The following MMP16 variants were observed in gnomAD, a reference collection of about 807,000 sequenced individuals.
MMP16 encodes matrix metalloproteinase-16.
In MMP16, 12 loss-of-function variants were observed where a neutral mutation model predicts 67.8. The ratio of observed to expected loss-of-function variants is 0.18; its 90% confidence interval spans 0.11 to 0.29. The LOEUF (loss-of-function observed/expected upper bound fraction) is 0.29, where lower values mean the gene tolerates loss of function less well. Among genes scored for constraint, MMP16 ranks in the 10% least tolerant of loss-of-function variants. The probability of loss-of-function intolerance (pLI) is 1.00; values close to 1 mark genes in which losing one functional copy is unlikely to be tolerated. For synonymous variants in MMP16, 249 were observed against 255.9 expected (o/e 0.97, Z 0.26); for missense variants, 475 against 765.7 (o/e 0.62, Z 4.48).
chr8:88,220,687 A>G (rs1809668242), intron 1 of MMP16, among the ~76,000 whole-genome samples: 1 of 152,132 alleles, frequency 6.6e-6, no homozygotes, highest in Non-Finnish European at 1.5e-5. Context: ...GGATGAAAGA[A>G]AAGTGTTATC....
At chr8:88,253,592 T>C (rs941302973) in intron 1 of MMP16, among the ~76,000 whole-genome samples, 6 of 152,120 alleles carry the variant, frequency 3.9e-5, no homozygotes, top group Non-Finnish European at 8.8e-5. Context: ...ATCTGACTGA[T>C]GTGTTTCAAA....
chr8:88,295,235 A>G (rs940067591), intron 1 of MMP16, among the ~76,000 whole-genome samples: 1 of 152,240 alleles, frequency 6.6e-6, no homozygotes, highest in African/African-American at 2.4e-5. Flanking sequence ...TCCTGAATTT[A>G]AAATAATTCT....
intron 6 of MMP16, among the ~76,000 whole-genome samples, chr8:88,084,587 C>T (rs1373687878): frequency 1.3e-5 from 2 of 151,910 alleles, no homozygotes; most frequent in African/African-American, 4.8e-5. Flanking sequence ...TTTCATGATA[C>T]CTACAACTTT....
chr8:88,086,349 C>T lies in MMP16; in HGVS notation c.1084-11606G>A, dbSNP rs904113770. 7.2e-5 allele frequency among the ~76,000 whole-genome samples: 11 copies of T among 151,998 alleles called. No individual in the cohort carries two copies. In the East Asian group the frequency reaches 1.7e-3, roughly 24 times the overall value. On this transcript the variant is annotated intron_variant, in intron 6 of 9. Transcript: ENST00000286614. Reference sequence around the variant, plus strand: ...GTATGATATTCTGATTTTTGTTCTCCTCCTTTGAGATCTGAAGATCGTATT... The same window carrying T: ...GTATGATATTCTGATTTTTGTTCTCTTCCTTTGAGATCTGAAGATCGTATT...
chr8:88,221,399 C>T (rs1468850800), intron 1 of MMP16, among the ~76,000 whole-genome samples: 2 of 151,964 alleles, frequency 1.3e-5, no homozygotes, highest in Non-Finnish European at 2.9e-5. Flanking sequence ...TCAGCGTCTC[C>T]GTCTTCCGTA....
chr8:88,097,921 G>A (rs1233347710), intron 6 of MMP16, among the ~76,000 whole-genome samples: 2 of 151,776 alleles, frequency 1.3e-5, no homozygotes, highest in Non-Finnish European at 1.5e-5. Flanking sequence ...TGAGCTTAAG[G>A]GCACACTACT....
chr8:88,140,440 CAT>C (rs1200670025), intron 4 of MMP16, among the ~76,000 whole-genome samples: 5 of 152,116 alleles, frequency 3.3e-5, no homozygotes, highest in Admixed American at 3.3e-4. Flanking sequence ...AAGTATGACT[CAT>C]ATTCATTGGG....
At chr8:88,235,390 C>CAAA (rs35201322) in intron 1 of MMP16, among the ~76,000 whole-genome samples, 6 of 116,212 alleles carry the variant, frequency 5.2e-5, no homozygotes, top group East Asian at 2.7e-4. Flanking sequence ...GACTCCATCT[C>CAAA]AAAAAAAAAA....
At chr8:88,136,345 T>C (rs1366582371) in intron 4 of MMP16, among the ~76,000 whole-genome samples, 2 of 151,860 alleles carry the variant, frequency 1.3e-5, no homozygotes, top group East Asian at 3.9e-4. Flanking sequence ...TGGGTTCCCA[T>C]GTCTTTCTCA....
At chr8:88,203,356 C>T (rs1809374776) in intron 1 of MMP16, among the ~76,000 whole-genome samples, 1 of 152,082 alleles carries the variant, frequency 6.6e-6, no homozygotes. Context: ...CCCACCTCGT[C>T]CTCCCAAAGT....
At chr8:88,161,960 G>A (rs1808633769) in intron 4 of MMP16, among the ~76,000 whole-genome samples, 2 of 152,038 alleles carry the variant, frequency 1.3e-5, no homozygotes, top group South Asian at 2.1e-4. Flanking sequence ...TTGCTGATGA[G>A]TGCTTTACTT....
At chr8:88,164,333 G>C (rs977333838) in intron 4 of MMP16, among the ~76,000 whole-genome samples, 4 of 151,968 alleles carry the variant, frequency 2.6e-5, no homozygotes, top group African/African-American at 9.7e-5. Context: ...TATCCATGAA[G>C]ATGTCAGATT....
intron 3 of MMP16, among the ~76,000 whole-genome samples, chr8:88,181,903 G>A (rs1808987105): frequency 6.6e-6 from 1 of 151,990 alleles, no homozygotes; most frequent in African/African-American, 2.4e-5. Flanking sequence ...ATACAATGGA[G>A]AAAGAATGAT....
At chr8:88,312,490 G>A (rs1480512074) in intron 1 of MMP16, among the ~76,000 whole-genome samples, 1 of 152,114 alleles carries the variant, frequency 6.6e-6, no homozygotes, top group East Asian at 1.9e-4. Context: ...ACAATAAGCA[G>A]CACATATTTT....
In MMP16 at chr8:88,284,836, C is replaced by CT. The variant is rs757759799; in HGVS notation, c.132+42238dup. Among the ~76,000 whole-genome samples, 1,275 of 142,820 alleles carry CT rather than the reference C, an allele frequency of 8.9e-3. 7 individuals carry two copies. Among genetic ancestry groups the CT allele is most frequent in the African/African-American group, 0.023 (900 of 39,002 alleles). 93.7% of individuals were successfully genotyped at this position (142,820 alleles called of 152,430 possible). A position where few individuals can be genotyped will look rare whatever the true frequency, so the allele number is the denominator to read the frequency against. On this transcript the variant is annotated intron_variant, in intron 1 of 9. Coordinates refer to ENST00000286614, the MANE Select transcript of MMP16 (RefSeq NM_005941.5). ...AAGGGTGCTTCCTTCTTCTCTATGC[C>CT]TTTTTTTTTTTTTTTAATTTCCTCT... is the stretch of plus-strand genomic sequence containing the variant.
chr8:88,139,252 T>G (rs919705138), intron 4 of MMP16, among the ~76,000 whole-genome samples: 4 of 152,128 alleles, frequency 2.6e-5, no homozygotes, highest in African/African-American at 9.7e-5. Context: ...CTCAGCATTT[T>G]TCTTCTTCAG....
chr8:88,126,322 C>A (rs1178744466), intron 4 of MMP16, among the ~76,000 whole-genome samples: 2 of 151,780 alleles, frequency 1.3e-5, no homozygotes, highest in Non-Finnish European at 2.9e-5. Context: ...AGTTCATAAT[C>A]CTCTTAAAGT....
At chr8:88,224,848 T>G (rs1809744367) in intron 1 of MMP16, among the ~76,000 whole-genome samples, 1 of 151,980 alleles carries the variant, frequency 6.6e-6, no homozygotes, top group African/African-American at 2.4e-5. Flanking sequence ...ACAATAGGAT[T>G]AAAGTAGACA....
chr8:88,080,892 G>A (rs560385831), intron 6 of MMP16, among the ~76,000 whole-genome samples: 2 of 152,148 alleles, frequency 1.3e-5, no homozygotes, highest in African/African-American at 2.4e-5. Flanking sequence ...AAGGAGGAAC[G>A]TGATTTATAT....
Sources: allele counts gnomAD v4.1 joint callset (sites outside exome capture counted in the v4.1 genomes callset), GRCh38; gene constraint gnomAD v4.1.1; transcripts MANE v1.5; gene names NCBI Gene and HGNC (gene_info 2026-07-23, HGNC 2026-07-21).